Variants in ANKFN1 observed in about 807,000 individuals in gnomAD.
ANKFN1 encodes the protein ankyrin repeat and fibronectin type III domain containing 1.
Under a neutral mutation model 108.7 loss-of-function variants are expected in ANKFN1, and 74 were observed. The observed-to-expected ratio is 0.68, with a 90% confidence interval of 0.56 to 0.83. ANKFN1 has a LOEUF of 0.83. ANKFN1 is among the 40% of genes least tolerant of loss of function. The pLI is 0.00. For missense variants in ANKFN1, 1,505 were observed against 1,382.3 expected, an observed-to-expected ratio of 1.09 and a Z score of -1.41; for synonymous variants, 547 against 516.2, an observed-to-expected ratio of 1.06 and a Z score of -0.81.
At chr17:56,046,180 A>G (rs1364394754) in exon 4 of ANKFN1, 1 of 152,872 alleles carries the variant, frequency 6.5e-6, no homozygotes, top group Non-Finnish European at 1.5e-5. Flanking sequence ...GGAATCTCAG[A>G]CAAAGCAGCC....
At chr17:56,137,045 G>A (rs1391368086) in intron 4 of ANKFN1, among the ~76,000 whole-genome samples, 6 of 152,184 alleles carry the variant, frequency 3.9e-5, no homozygotes, top group Admixed American at 1.3e-4. Flanking sequence ...CTACAGATTG[G>A]GTGGTGGAAA....
chr17:56,190,291 C>T (rs371632061), intron 1 of ANKFN1, among the ~76,000 whole-genome samples: 1 of 133,246 alleles, frequency 7.5e-6, no homozygotes, highest in African/African-American at 2.9e-5. Flanking sequence ...TCTAGTTCTT[C>T]TAATTGTGAT....
At chr17:56,148,790 T>A (rs1598142290), upstream of ANKFN1, among the ~76,000 whole-genome samples, 1 of 152,246 alleles carries the variant, frequency 6.6e-6, no homozygotes, top group Admixed American at 6.5e-5. Flanking sequence ...GACATTTCTA[T>A]CATGTGCTGA....
At chr17:56,149,270 T>C (rs1908452797), upstream of ANKFN1, among the ~76,000 whole-genome samples, 1 of 152,148 alleles carries the variant, frequency 6.6e-6, no homozygotes, top group African/African-American at 2.4e-5. Context: ...AACCCCTTTT[T>C]CACAGGCCAT....
intron 4 of ANKFN1, among the ~76,000 whole-genome samples, chr17:56,136,774 G>A (rs933458996): frequency 1.5e-4 from 23 of 152,160 alleles, no homozygotes; most frequent in African/African-American, 5.1e-4. Flanking sequence ...TATTTGCATG[G>A]TGAAGCCTAT....
intron 8 of ANKFN1, among the ~76,000 whole-genome samples, chr17:56,377,931 G>T (rs2046987458): frequency 6.6e-6 from 1 of 152,016 alleles, no homozygotes; most frequent in Admixed American, 6.6e-5. Flanking sequence ...TTGCTGCATT[G>T]CCTGAGTGCA....
intron 4 of ANKFN1, among the ~76,000 whole-genome samples, chr17:56,331,490 G>T (rs577140318): frequency 6.6e-6 from 1 of 152,238 alleles, no homozygotes; most frequent in Non-Finnish European, 1.5e-5. Context: ...ACTGAAACAT[G>T]AACTCTGGAG....
At chr17:56,487,583 A>C (rs2050896161) in intron 18 of ANKFN1, among the ~76,000 whole-genome samples, 1 of 152,150 alleles carries the variant, frequency 6.6e-6, no homozygotes, top group Non-Finnish European at 1.5e-5. Context: ...TATATATTTC[A>C]TTTACTGAGC....
chr17:56,352,429 A>G (rs1466951454), intron 5 of ANKFN1, among the ~76,000 whole-genome samples: 1 of 152,196 alleles, frequency 6.6e-6, no homozygotes, highest in African/African-American at 2.4e-5. Flanking sequence ...GGTGACCCCT[A>G]TGCAGGTTAA....
At chr17:56,149,551 G>T (rs553826082), upstream of ANKFN1, among the ~76,000 whole-genome samples, 2 of 152,338 alleles carry the variant, frequency 1.3e-5, no homozygotes, top group East Asian at 3.9e-4. Flanking sequence ...AGGGCTAGAG[G>T]CAGGGCAGCC....
At chr17:56,273,030 C>A (rs2043830953) in intron 3 of ANKFN1, among the ~76,000 whole-genome samples, 1 of 152,172 alleles carries the variant, frequency 6.6e-6, no homozygotes, top group South Asian at 2.1e-4. Context: ...ATCTTAACAC[C>A]CTAAGACATC....
intron 18 of ANKFN1, among the ~76,000 whole-genome samples, chr17:56,485,237 T>G (rs1482428641): frequency 6.6e-6 from 1 of 152,104 alleles, no homozygotes; most frequent in East Asian, 1.9e-4. Context: ...CATAATATTG[T>G]AAATATCAGA....
At chr17:56,239,124 C>T (rs993217442) in intron 3 of ANKFN1, among the ~76,000 whole-genome samples, 1 of 151,984 alleles carries the variant, frequency 6.6e-6, no homozygotes, top group African/African-American at 2.4e-5. Context: ...TTTTAGACTA[C>T]AAGAATCACA....
At chr17:56,080,048 G>T (rs1447106167) in intron 4 of ANKFN1, among the ~76,000 whole-genome samples, 1 of 152,224 alleles carries the variant, frequency 6.6e-6, no homozygotes. Flanking sequence ...TGGTTACTCA[G>T]AGATTAATGG....
intron 4 of ANKFN1, among the ~76,000 whole-genome samples, chr17:56,136,982 A>G (rs1433207800): frequency 6.6e-6 from 1 of 152,182 alleles, no homozygotes; most frequent in African/African-American, 2.4e-5. Context: ...CTTACCTGGG[A>G]TCCATCATAC....
chr17:56,310,724 CAT>C (rs2044996324), intron 3 of ANKFN1, among the ~76,000 whole-genome samples: 1 of 151,490 alleles, frequency 6.6e-6, no homozygotes, highest in Non-Finnish European at 1.5e-5. Flanking sequence ...AGCTAATTAA[CAT>C]ATCCATCATC....
intron 3 of ANKFN1, among the ~76,000 whole-genome samples, chr17:56,246,055 A>T (rs1295072371): frequency 1.3e-5 from 2 of 152,162 alleles, no homozygotes; most frequent in Non-Finnish European, 2.9e-5. Context: ...AGAAACAGGC[A>T]CCTGCAATCA....
intron 4 of ANKFN1, among the ~76,000 whole-genome samples, chr17:56,099,277 C>T (rs1467863267): frequency 3.3e-5 from 5 of 152,132 alleles, no homozygotes; most frequent in Admixed American, 1.3e-4. Context: ...CAAGTTACTT[C>T]GATGCTTAAT....
rs142729104 is a variant in ANKFN1 at position 56,216,694 on chromosome 17, T to A, written c.12+4015T>A. Among the ~76,000 whole-genome samples the A allele has an allele frequency of 5.3e-5, 8 of 152,332 alleles. No individual in the cohort carries two copies. The East Asian group carries it at 1.5e-3, about 29-fold the overall frequency. ...GGAGCCAAAAGACCTAATTTCTATT[T>A]TTTAAACAAGGCACACTCCTCTGTG... On this transcript the variant is annotated intron_variant, in intron 2 of 20. Transcript: ENST00000682825.
Sources: gnomAD v4.1 joint callset for allele counts (sites outside exome capture counted in the v4.1 genomes callset) on GRCh38, gnomAD v4.1.1 for gene constraint, MANE v1.5 for transcripts, NCBI Gene and HGNC (gene_info 2026-07-23, HGNC 2026-07-21) for gene names.